EPAS1: variants seen among roughly 807,000 people sequenced by gnomAD.
EPAS1 encodes the protein endothelial PAS domain protein 1.
Under a neutral mutation model 87.9 loss-of-function variants are expected in EPAS1, and 23 were observed. The observed-to-expected ratio is 0.26, with a 90% CI of 0.19 to 0.37. The LOEUF is 0.37. Ranked by LOEUF, EPAS1 falls within the 10% of genes least tolerant of loss-of-function variation. The pLI is 1.00. For synonymous variants in EPAS1, 508 were observed against 444.3 expected (o/e 1.14, Z -1.80); for missense variants, 1,138 against 1,120.7 (o/e 1.02, Z -0.22).
chr2:46,360,533 A>G lies in EPAS1; in HGVS notation c.455-105A>G. 9.7e-7 allele frequency: 1 copy of G among 1,027,618 alleles called. No homozygotes were observed. The highest frequency in any genetic ancestry group is 1.3e-5 in the South Asian group (1 of 78,226). 63.7% of individuals were successfully genotyped at this position (1,027,618 alleles called of 1,614,324 possible). ...AGGTGCTAAGAGAGCAGATATTTGG[A>G]AAATATAAACAATAGGCTGCCAAGA... On this transcript the variant is annotated intron_variant, in intron 4 of 15. Coordinates refer to ENST00000263734, the MANE Select transcript of EPAS1 (RefSeq NM_001430.5). The surrounding 1 kb of genome is among the most constrained non-coding windows in gnomAD (Gnocchi z 4.5).
In EPAS1 at chr2:46,300,334, A is replaced by C. The variant is rs1281108817; in HGVS notation, c.26+2397A>C. On this transcript the variant is annotated intron_variant, in intron 1 of 15. Transcript: ENST00000263734. This position sits in a 1 kb window ranked among gnomAD's most constrained non-coding sequence, Gnocchi z 4.1. The stretch of plus-strand genomic sequence containing the variant: ...ACATTTTGTGTTTCTTTGGTTTAGC[A>C]GAGCAGTTTCTTCCCCCAAATGCAA... Among the ~76,000 whole-genome samples, 1 of 152,224 alleles carries C rather than the reference A, an allele frequency of 6.6e-6. No individual in the cohort carries two copies. Among genetic ancestry groups the C allele is most frequent in the Non-Finnish European group, 1.5e-5 (1 of 68,046 alleles).
intron 1 of EPAS1, among the ~76,000 whole-genome samples, chr2:46,298,790 A>G (rs1335855398): frequency 6.7e-6 from 1 of 149,620 alleles, no homozygotes; most frequent in African/African-American, 2.4e-5. Context: ...CTCCCAGTCC[A>G]GCCGGGCCCG....
chr2:46,321,278 C>T (rs892332843), intron 1 of EPAS1, among the ~76,000 whole-genome samples: 3 of 152,192 alleles, frequency 2.0e-5, no homozygotes, highest in Admixed American at 6.5e-5. Context: ...TTTATCTGGT[C>T]TTCTGTCAAG....
At chr2:46,361,870 A>G (rs755352208) in intron 6 of EPAS1, among the ~76,000 whole-genome samples, 9 of 152,294 alleles carry the variant, frequency 5.9e-5, no homozygotes, top group Non-Finnish European at 1.2e-4. Context: ...GAGTATTTAG[A>G]TACCCTACAG....
At chr2:46,376,866 C>T in intron 9 of EPAS1, 113 bp downstream of exon 9, 1 of 1,091,992 alleles carries the variant, frequency 9.2e-7, no homozygotes, top group Non-Finnish European at 1.4e-6. Flanking sequence ...GCTACCCCAG[C>T]CCCCCAAGTC....
chr2:46,341,467 G>T (rs569044667), intron 1 of EPAS1, among the ~76,000 whole-genome samples: 3 of 152,314 alleles, frequency 2.0e-5, no homozygotes, highest in African/African-American at 7.2e-5. Flanking sequence ...TCCCAAGGTG[G>T]CTTCTTTGAA....
chr2:46,365,849 C>T (rs972375862), intron 6 of EPAS1, among the ~76,000 whole-genome samples: 2 of 152,050 alleles, frequency 1.3e-5, no homozygotes, highest in Non-Finnish European at 2.9e-5. Flanking sequence ...TGAGATAAAT[C>T]ACGGGGTGCT....
rs541666637 is a variant in EPAS1 at position 46,380,037 on chromosome 2, T to TA, written c.1555-189dup. On this transcript the variant is annotated intron_variant, in intron 11 of 15. Coordinates refer to ENST00000263734, the MANE Select transcript of EPAS1 (RefSeq NM_001430.5). This position sits in a 1 kb window ranked among gnomAD's most constrained non-coding sequence, Gnocchi z 4.4. ...AACATGGGGGAAGGCTGGTACATGATACAAGGTCGTGTACATGACACAGCC... is the reference window on the plus strand; with the variant it reads ...AACATGGGGGAAGGCTGGTACATGATAACAAGGTCGTGTACATGACACAGCC... The TA allele has an allele frequency of 1.7e-3, 1,451 of 833,122 alleles. 7 individuals carry two copies. The highest frequency in any genetic ancestry group is 2.2e-3 in the Non-Finnish European group (1,113 of 497,428). The allele number at this position is 833,122 out of a possible 1,614,324, so 51.6% of individuals were successfully genotyped here. A position where few individuals can be genotyped will look rare whatever the true frequency, so the allele number is the denominator to read the frequency against.
At position 46,381,619 on chromosome 2, in the gene EPAS1, G is replaced by C; in HGVS notation, c.2069G>C (p.Arg690Pro). The change falls in exon 13 of 16, where the codon CGA becomes CCA. Residue 690 changes from arginine (R) to proline (P), a missense_variant. Coordinates refer to ENST00000263734, the MANE Select transcript of EPAS1 (RefSeq NM_001430.5). Reference protein sequence around the residue: ...KTRSAKGFGARGPDVLSPAMV... With the variant: ...KTRSAKGFGAPGPDVLSPAMV... ...AGGTCTGCAAAGGGTTTTGGGGCTC[G>C]AGGCCCAGACGTGCTGAGTCCGGCC... 3 of 1,613,964 alleles carry C rather than the reference G, an allele frequency of 1.9e-6. No homozygotes were observed.
chr2:46,328,468 A>G (rs930338227), intron 1 of EPAS1, among the ~76,000 whole-genome samples: 1 of 152,194 alleles, frequency 6.6e-6, no homozygotes, highest in African/African-American at 2.4e-5. Context: ...CCTGGCCTCA[A>G]CCAGTCACTG....
chr2:46,297,879 G>C lies in EPAS1; in HGVS notation c.-33G>C, dbSNP rs368908100. ...CACCCGCCAGGGAGCCCAGGTGCTC[G>C]GCGTCTGAACGTCTCAAAGGGCCAC... On this transcript the variant is annotated 5_prime_UTR_variant, in exon 1 of 16. Coordinates refer to ENST00000263734, the MANE Select transcript of EPAS1 (RefSeq NM_001430.5). The C allele has an allele frequency of 7.2e-5, 115 of 1,607,474 alleles. No individual in the cohort carries two copies. The African/African-American group carries it at 1.4e-3, about 19-fold the overall frequency.
chr2:46,373,716 C>G (rs909645899), intron 7 of EPAS1, among the ~76,000 whole-genome samples: 4 of 152,168 alleles, frequency 2.6e-5, no homozygotes, highest in African/African-American at 9.7e-5. Context: ...GTACCTTTGT[C>G]AAAACTTGTT....
intron 1 of EPAS1, among the ~76,000 whole-genome samples, chr2:46,323,893 G>A (rs1683503374): frequency 6.6e-6 from 1 of 152,138 alleles, no homozygotes; most frequent in African/African-American, 2.4e-5. Context: ...TGATTCTCCT[G>A]TCTTCTGAAA....
intron 1 of EPAS1, among the ~76,000 whole-genome samples, chr2:46,302,316 G>A (rs1683024922): frequency 1.3e-5 from 2 of 151,978 alleles, no homozygotes; most frequent in African/African-American, 4.8e-5. Flanking sequence ...TGAGATTTAG[G>A]CTTTTCCACT....
intron 6 of EPAS1, among the ~76,000 whole-genome samples, chr2:46,367,409 G>A (rs79724280): frequency 3.3e-5 from 5 of 152,192 alleles, no homozygotes; most frequent in African/African-American, 1.2e-4. Flanking sequence ...CAGATGGCCA[G>A]ACCATTGTTA....
At chr2:46,348,831 G>C (rs1436958147) in intron 2 of EPAS1, among the ~76,000 whole-genome samples, 1 of 152,166 alleles carries the variant, frequency 6.6e-6, no homozygotes, top group Non-Finnish European at 1.5e-5. Context: ...CATTTCCTTT[G>C]AATGTTGTGT....
chr2:46,384,245 G>A (rs1329012408), intron 15 of EPAS1, among the ~76,000 whole-genome samples: 1 of 152,156 alleles, frequency 6.6e-6, no homozygotes, highest in Non-Finnish European at 1.5e-5. Flanking sequence ...GCAACCCCAG[G>A]CTCTTCCTGA....
chr2:46,351,754 CAA>C (rs1684149370), intron 2 of EPAS1, among the ~76,000 whole-genome samples: 1 of 152,156 alleles, frequency 6.6e-6, no homozygotes, highest in African/African-American at 2.4e-5. Flanking sequence ...GAGTAGGAAA[CAA>C]GAGGCAAAGC....
rs779358408 is a variant in EPAS1 at position 46,385,492 on chromosome 2, C to T, written c.*832C>T. 2 of 152,168 alleles carry T rather than the reference C, an allele frequency of 1.3e-5. No homozygotes were observed. The highest frequency in any genetic ancestry group is 2.9e-5 in the Non-Finnish European group (2 of 68,054). 9.4% of individuals were successfully genotyped at this position (152,168 alleles called of 1,614,324 possible). On this transcript the variant is annotated 3_prime_UTR_variant, in exon 16 of 16. Transcript: ENST00000263734. Reference sequence around the variant, plus strand: ...TCACAAAATCACTTTAAGATCTTTTCGAAGCTGTTAATTTTTCTTAGTGTT... The same window carrying T: ...TCACAAAATCACTTTAAGATCTTTTTGAAGCTGTTAATTTTTCTTAGTGTT...
Sources: gnomAD v4.1 joint callset for allele counts (sites outside exome capture counted in the v4.1 genomes callset) on GRCh38, gnomAD v4.1.1 for gene constraint, Gnocchi (gnomAD v3.1) non-coding constraint, MANE v1.5 for transcripts, NCBI Gene and HGNC (gene_info 2026-07-23, HGNC 2026-07-21) for gene names.